Variants in INTS6 observed in about 807,000 individuals in gnomAD.
The protein encoded by INTS6 is DEAD box protein.
INTS6 carries 16 observed loss-of-function variants against 104.9 expected under a neutral mutation model. The observed-to-expected ratio is 0.15, with a 90% confidence interval of 0.10 to 0.23. The LOEUF is 0.23. Ranked by LOEUF, INTS6 falls within the 10% of genes least tolerant of loss-of-function variation. The probability of loss-of-function intolerance (pLI) is 1.00; values close to 1 mark genes in which losing one functional copy is unlikely to be tolerated. For missense variants in INTS6, 584 were observed against 1,062.8 expected (o/e 0.55, Z 6.26); for synonymous variants, 324 against 358.7 (o/e 0.90, Z 1.09).
Position 51,376,177 on chromosome 13 carries a change from A to G in INTS6, c.1603-3T>C, listed in dbSNP as rs1955926322. 1 of 1,596,208 alleles carries G rather than the reference A, an allele frequency of 6.3e-7. No individual in the cohort carries two copies. The highest frequency in any genetic ancestry group is 1.2e-5 in the South Asian group (1 of 86,866). On this transcript the variant is annotated splice_region_variant and splice_polypyrimidine_tract_variant and intron_variant, in intron 12 of 17. Transcript: ENST00000311234. ...CTAAATGTCTGTGGCTTCAAATCCT[A>G]TTAAACAACATTCGAGGACAAAATT... is the stretch of plus-strand genomic sequence containing the variant.
chr13:51,388,957 AAACAT>A (rs1956195500), intron 6 of INTS6, among the ~76,000 whole-genome samples: 1 of 152,238 alleles, frequency 6.6e-6, no homozygotes, highest in Non-Finnish European at 1.5e-5. Context: ...CTAAGGAGTT[AAACAT>A]CTAGGACTGA....
At chr13:51,422,447 G>A (rs971224997) in intron 4 of INTS6, among the ~76,000 whole-genome samples, 9 of 152,090 alleles carry the variant, frequency 5.9e-5, no homozygotes, top group Non-Finnish European at 1.2e-4. Context: ...TAGGTTCAGG[G>A]CTCCTGTCAA....
chr13:51,425,187 A>G (rs902535529), intron 4 of INTS6, among the ~76,000 whole-genome samples: 3 of 152,050 alleles, frequency 2.0e-5, no homozygotes, highest in Non-Finnish European at 2.9e-5. Flanking sequence ...AGAATTATCC[A>G]TATCTCAAAG....
At position 51,452,942 on chromosome 13, in the gene INTS6, G is replaced by A; in HGVS notation, c.-417C>T. ...TGGCGAAGAGGGGAGTGGGCTGAGGGAAGATTGGCCCTGGGGCTGTTGGGA... is the reference window on the plus strand; with the variant it reads ...TGGCGAAGAGGGGAGTGGGCTGAGGAAAGATTGGCCCTGGGGCTGTTGGGA... On this transcript the variant is annotated 5_prime_UTR_variant, in exon 1 of 18. Coordinates refer to ENST00000311234, the MANE Select transcript of INTS6 (RefSeq NM_012141.3). This position sits in a 1 kb window ranked among gnomAD's most constrained non-coding sequence, Gnocchi z 4.2. 2 of 1,058,578 alleles carry A rather than the reference G, an allele frequency of 1.9e-6. No individual in the cohort carries two copies. The highest frequency in any genetic ancestry group is 2.3e-6 in the Non-Finnish European group (2 of 874,174). The allele number at this position is 1,058,578 out of a possible 1,614,324, so 65.6% of individuals were successfully genotyped here.
intron 3 of INTS6, among the ~76,000 whole-genome samples, chr13:51,432,529 T>C (rs945546295): frequency 6.6e-6 from 1 of 151,978 alleles, no homozygotes; most frequent in African/African-American, 2.4e-5. Flanking sequence ...GCAAAGAATA[T>C]GTCATATTTC....
chr13:51,335,390 T>C, the INTS6 span, among the ~76,000 whole-genome samples: 2 of 152,192 alleles, frequency 1.3e-5, no homozygotes, highest in African/African-American at 2.4e-5. Flanking sequence ...AAGCATATTA[T>C]GAGACGCTCA....
chr13:51,370,922 G>A (rs192249622), intron 15 of INTS6, among the ~76,000 whole-genome samples: 17 of 152,200 alleles, frequency 1.1e-4, no homozygotes, highest in Admixed American at 4.6e-4. Context: ...ACTCCCAACC[G>A]CATGCAGGTG....
At chr13:51,385,470 AG>A (rs950169972) in intron 7 of INTS6, among the ~76,000 whole-genome samples, 3 of 152,226 alleles carry the variant, frequency 2.0e-5, no homozygotes, top group African/African-American at 7.2e-5. Flanking sequence ...CGGAGATCCA[AG>A]AGGGAAAGTG....
In INTS6 at chr13:51,362,158, G is replaced by C. The variant is rs1955591550; in HGVS notation, c.*3594C>G. ...GTAGATTTTTTTTTTTAATGCTATAGGTTTCTACTTCTGAAGACACTTGGA... is the reference window on the plus strand; with the variant it reads ...GTAGATTTTTTTTTTTAATGCTATACGTTTCTACTTCTGAAGACACTTGGA... On this transcript the variant is annotated 3_prime_UTR_variant, in exon 18 of 18. Transcript: ENST00000311234. The C allele has an allele frequency of 2.1e-6, 2 of 947,940 alleles. No homozygotes were observed. The highest frequency in any genetic ancestry group is 3.8e-5 in the Admixed American group (1 of 26,152). 58.7% of individuals were successfully genotyped at this position (947,940 alleles called of 1,614,324 possible).
In INTS6 at chr13:51,374,250, G is replaced by C. The variant is rs750644860; in HGVS notation, c.2062C>G (p.Gln688Glu). ...GGKGPPAPTT[Q>E]AQPDLIKPLP... is the part of the protein sequence containing the mutation. ...GGTTTAATAAGATCTGGCTGTGCTT[G>C]AGTTGTAGGTGCAGGTGGTCCTTTT... The change falls in exon 15 of 18, where the codon CAA becomes GAA. Residue 688 changes from glutamine to glutamate, a missense_variant. Around this residue, in one of 5 missense-constraint regions of INTS6, gnomAD observed 296 missense variants for 437.0 expected, o/e 0.68. Coordinates refer to ENST00000311234, the MANE Select transcript of INTS6 (RefSeq NM_012141.3). 6.2e-6 allele frequency: 10 copies of C among 1,613,928 alleles called. No individual in the cohort carries two copies. The highest frequency in any genetic ancestry group is 1.3e-5 in the African/African-American group (1 of 74,924).
At chr13:51,343,983 T>A in the INTS6 span, among the ~76,000 whole-genome samples, 2 of 152,254 alleles carry the variant, frequency 1.3e-5, no homozygotes, top group South Asian at 2.1e-4. Context: ...ATCTACTGGA[T>A]GTTGGTAGTG....
chr13:51,434,604 AGGTTGTTT>A (rs1404502213), intron 3 of INTS6, among the ~76,000 whole-genome samples: 1 of 152,086 alleles, frequency 6.6e-6, no homozygotes, highest in Non-Finnish European at 1.5e-5. Context: ...TATACACACA[AGGTTGTTT>A]TATTATTTCT....
At position 51,369,000 on chromosome 13, in the gene INTS6, A is replaced by G. The variant is rs1433023191; in HGVS notation, c.2415T>C (p.His805=). ...CTTTTAGTTCAGTATTGACCTCTTC[A>G]TGGCTTCTGCAATGCATCAATTTCT... is the stretch of plus-strand genomic sequence containing the variant. The part of the protein sequence containing the change: ...KGKKLMHCRS[H]EEVNTELKAQ... The change falls in exon 16 of 18, where the codon CAT becomes CAC. Residue 805 remains histidine (H), a synonymous_variant. Coordinates refer to ENST00000311234, the MANE Select transcript of INTS6 (RefSeq NM_012141.3). 6 of 1,613,636 alleles carry G rather than the reference A, an allele frequency of 3.7e-6. No individual in the cohort carries two copies. Among genetic ancestry groups the G allele is most frequent in the Non-Finnish European group, 4.2e-6 (5 of 1,179,800 alleles).
At chr13:51,335,207 G>A in the INTS6 span, among the ~76,000 whole-genome samples, 1 of 152,054 alleles carries the variant, frequency 6.6e-6, no homozygotes, top group African/African-American at 2.4e-5. Context: ...ACATCATGAA[G>A]AGAGTAAATA....
chr13:51,440,358 C>A (rs1952772361), intron 3 of INTS6: 1 of 151,718 alleles, frequency 6.6e-6, no homozygotes, highest in African/African-American at 2.4e-5. Context: ...TTAAATCTTA[C>A]TAAAAAGAGT....
chr13:51,347,375 G>A, the INTS6 span: 18 of 719,542 alleles, frequency 2.5e-5, no homozygotes, highest in African/African-American at 3.5e-5. Context: ...CATGCATGGC[G>A]GAAGGAAAGA....
intron 3 of INTS6, among the ~76,000 whole-genome samples, chr13:51,433,437 G>GA (rs1957134200): frequency 6.6e-6 from 1 of 152,214 alleles, no homozygotes; most frequent in Admixed American, 6.5e-5. Context: ...GACAGAGTGA[G>GA]ACTCCGTCTC....
At chr13:51,408,663 A>T (rs1018262452) in intron 4 of INTS6, among the ~76,000 whole-genome samples, 7 of 152,250 alleles carry the variant, frequency 4.6e-5, no homozygotes, top group African/African-American at 1.7e-4. Context: ...AAAAAATAAT[A>T]ATCTCTTTCT....
chr13:51,335,453 C>T, the INTS6 span, among the ~76,000 whole-genome samples: 1 of 152,138 alleles, frequency 6.6e-6, no homozygotes, highest in Admixed American at 6.5e-5. Context: ...TACGACTTTG[C>T]ATCTATTAAA....
Sources: gnomAD v4.1 joint callset for allele counts (sites outside exome capture counted in the v4.1 genomes callset) on GRCh38, gnomAD v4.1.1 for gene constraint, gnomAD v4.1.1 regional missense constraint, Gnocchi (gnomAD v3.1) non-coding constraint, MANE v1.5 for transcripts, NCBI Gene and HGNC (gene_info 2026-07-23, HGNC 2026-07-21) for gene names.